Variants in PASD1 observed in about 807,000 individuals in gnomAD.
PASD1 encodes the protein PAS domain containing repressor 1, also known as circadian clock protein PASD1.
PASD1 carries 13 observed loss-of-function variants against 58.8 expected under a neutral mutation model. That is an observed-to-expected ratio of 0.22 (90% CI 0.14 to 0.35). The LOEUF is 0.35. Ranked by LOEUF, PASD1 falls within the 10% of genes least tolerant of loss-of-function variation. The pLI, the probability that PASD1 is intolerant of heterozygous loss-of-function variation, is 1.00. For missense variants in PASD1, 734 were observed against 568.3 expected (o/e 1.29, Z -2.96); for synonymous variants, 236 against 216.7 (o/e 1.09, Z -0.78).
chrX:151,648,544 G>T, intron 8 of PASD1, 71 bp from the exon 9 acceptor site: 1 of 975,627 alleles, frequency 1.0e-6, no homozygotes, highest in Non-Finnish European at 1.4e-6. Flanking sequence ...CCTTTTTATT[G>T]TATGATAGAA....
chrX:151,602,581 G>A (rs912145906), intron 2 of PASD1, among the ~76,000 whole-genome samples: 7 of 110,059 alleles, frequency 6.4e-5, no homozygotes, highest in East Asian at 2.9e-4. Flanking sequence ...CTGTAGTCCC[G>A]GCTACTCGGG....
intron 1 of PASD1, among the ~76,000 whole-genome samples, chrX:151,575,616 G>A (rs1175960998): frequency 9.0e-6 from 1 of 110,504 alleles, no homozygotes. Context: ...TCATCAAGTT[G>A]TAAGTGGGGA....
chrX:151,564,588 A>G (rs1204634153), intron 1 of PASD1, among the ~76,000 whole-genome samples: 2 of 110,756 alleles, frequency 1.8e-5, no homozygotes, highest in African/African-American at 6.6e-5. Flanking sequence ...GCCAGCAGCC[A>G]TGTATCTGAA....
intron 6 of PASD1, among the ~76,000 whole-genome samples, chrX:151,622,462 G>A (rs1487597049): frequency 9.0e-6 from 1 of 110,971 alleles, no homozygotes; most frequent in Non-Finnish European, 1.9e-5. Context: ...GAACATGTGA[G>A]AAATGAATAA....
intron 4 of PASD1, among the ~76,000 whole-genome samples, chrX:151,612,013 C>G: frequency 1.2e-5 from 1 of 84,184 alleles, no homozygotes. Flanking sequence ...GTTCCCCTTC[C>G]TGTGTCCATG....
At chrX:151,657,026 C>T (rs1160048759) in intron 9 of PASD1, among the ~76,000 whole-genome samples, 8 of 111,347 alleles carry the variant, frequency 7.2e-5, no homozygotes, top group Admixed American at 1.9e-4. Context: ...TTTTGAGATA[C>T]GTCCCATCAA....
intron 11 of PASD1, among the ~76,000 whole-genome samples, chrX:151,666,878 A>G (rs2014390373): frequency 9.4e-6 from 1 of 106,204 alleles, no homozygotes; most frequent in East Asian, 3.0e-4. Context: ...AGCATGATTT[A>G]TAATCCTTTG....
chrX:151,596,882 C>T (rs2013328354), intron 1 of PASD1, among the ~76,000 whole-genome samples: 1 of 111,810 alleles, frequency 8.9e-6, no homozygotes, highest in Non-Finnish European at 1.9e-5. Flanking sequence ...AGAATATTTT[C>T]AAAAATCATA....
intron 8 of PASD1, among the ~76,000 whole-genome samples, chrX:151,644,716 T>C (rs770461715): frequency 1.8e-5 from 2 of 108,313 alleles, no homozygotes; most frequent in Middle Eastern, 4.6e-3. Context: ...GATTACAACG[T>C]AATTTTTCTT....
chrX:151,597,140 T>A (rs1236883294), intron 1 of PASD1, among the ~76,000 whole-genome samples: 1 of 112,064 alleles, frequency 8.9e-6, no homozygotes. Flanking sequence ...TGCCTTTCTC[T>A]GGTTTGGTAT....
chrX:151,567,081 TAAATAAATAAATA>T (rs1257801191), intron 1 of PASD1, among the ~76,000 whole-genome samples: 17 of 103,948 alleles, frequency 1.6e-4, no homozygotes, highest in African/African-American at 6.2e-4. Context: ...AATAAATAAA[TAAATAAATAAATA>T]AAATAAAATA....
chrX:151,626,705 CAA>C (rs1017907662), intron 8 of PASD1, among the ~76,000 whole-genome samples: 29 of 111,675 alleles, frequency 2.6e-4, no homozygotes, highest in Admixed American at 3.8e-4. Flanking sequence ...AATAAGCAAA[CAA>C]GAGAACTTTG....
intron 3 of PASD1, among the ~76,000 whole-genome samples, chrX:151,611,290 AACCT>A (rs1222255987): frequency 1.8e-5 from 2 of 112,222 alleles, no homozygotes; most frequent in Admixed American, 9.5e-5. Context: ...GGAGATGACT[AACCT>A]AACCACAAAT....
At chrX:151,597,126 A>G (rs983032059) in intron 1 of PASD1, among the ~76,000 whole-genome samples, 1 of 111,945 alleles carries the variant, frequency 8.9e-6, no homozygotes, top group Non-Finnish European at 1.9e-5. Flanking sequence ...TCTCTTTTTG[A>G]TGCTGCCTTT....
intron 1 of PASD1, among the ~76,000 whole-genome samples, chrX:151,590,110 G>A (rs2013224498): frequency 8.9e-6 from 1 of 111,904 alleles, no homozygotes; most frequent in African/African-American, 3.2e-5. Flanking sequence ...ATCTGGGGTG[G>A]GAGGATAAAG....
intron 2 of PASD1, 84 bp from the exon 3 acceptor site, chrX:151,604,562 A>T: frequency 1.6e-6 from 1 of 627,485 alleles, no homozygotes; most frequent in Non-Finnish European, 2.5e-6. Flanking sequence ...TCTATAAATT[A>T]AGTATAACTT....
chrX:151,627,569 G>T, intron 8 of PASD1, among the ~76,000 whole-genome samples: 1 of 111,991 alleles, frequency 8.9e-6, no homozygotes, highest in East Asian at 2.8e-4. Flanking sequence ...ATTCCATGGT[G>T]TGTATGTGCC....
intron 15 of PASD1, among the ~76,000 whole-genome samples, chrX:151,674,448 A>C (rs1881610897): frequency 8.9e-6 from 1 of 112,905 alleles, no homozygotes. Flanking sequence ...ACTATGTTAC[A>C]TGGGCAAAGT....
chrX:151,640,287 C>A (rs775081042), intron 8 of PASD1, among the ~76,000 whole-genome samples: 1 of 112,062 alleles, frequency 8.9e-6, no homozygotes, highest in Admixed American at 9.5e-5. Flanking sequence ...TTGTGTGTGT[C>A]TTGTTTCATT....
Sources: allele counts gnomAD v4.1 joint callset (sites outside exome capture counted in the v4.1 genomes callset), GRCh38; gene constraint gnomAD v4.1.1; transcripts MANE v1.5; gene names NCBI Gene and HGNC (gene_info 2026-07-23, HGNC 2026-07-21).